The following CTNND2 variants were observed in gnomAD, a reference collection of about 807,000 sequenced individuals.
CTNND2 encodes the protein catenin delta-2.
CTNND2 carries 22 observed loss-of-function variants against 144.4 expected under a neutral mutation model. That is an observed-to-expected ratio of 0.15 (90% CI 0.11 to 0.22). The LOEUF is 0.22. Among genes scored for constraint, CTNND2 ranks in the 10% least tolerant of loss-of-function variants. CTNND2 has a pLI of 1.00. For synonymous variants in CTNND2, 751 were observed against 695.6 expected, an observed-to-expected ratio of 1.08 and a Z score of -1.25; for missense variants, 1,353 against 1,618.8, an observed-to-expected ratio of 0.84 and a Z score of 2.82.
In CTNND2 at chr5:11,385,050, G is replaced by A. The variant is rs1758916432; in HGVS notation, c.792C>T (p.Arg264=). ...GGGGCGCGGCCAGCGGGGAGCCCCC[G>A]CGCGGCGGCGCGGGCAGCGTGGAGC... ...YSSSTLPAPP[R]GGSPLAAPQG... Residue 264 remains arginine (R), a synonymous_variant, in exon 7 of 22, where the codon CGC becomes CGT. Transcript: ENST00000304623. The A allele has an allele frequency of 6.3e-6, 7 of 1,112,450 alleles. No homozygotes were observed. The highest frequency in any genetic ancestry group is 1.0e-4 in the Admixed American group (2 of 19,536). 68.9% of individuals were successfully genotyped at this position (1,112,450 alleles called of 1,614,324 possible).
chr5:11,654,661 T>A (rs1782819931), intron 2 of CTNND2, among the ~76,000 whole-genome samples: 2 of 148,800 alleles, frequency 1.3e-5, no homozygotes, highest in African/African-American at 4.9e-5. Flanking sequence ...TCTTTAGGGT[T>A]TTTTTTTTTA....
At chr5:11,558,995 A>G (rs1456269973) in intron 3 of CTNND2, among the ~76,000 whole-genome samples, 1 of 152,102 alleles carries the variant, frequency 6.6e-6, no homozygotes, top group African/African-American at 2.4e-5. Context: ...TTTGGGCATC[A>G]TTGTGCAAAA....
chr5:11,467,392 G>C (rs61757528), intron 3 of CTNND2, among the ~76,000 whole-genome samples: 23 of 152,336 alleles, frequency 1.5e-4, no homozygotes, highest in Admixed American at 4.6e-4. Flanking sequence ...CTGGGGCAAG[G>C]CTTTGCTTAT....
chr5:11,359,761 G>C (rs1196362383), intron 8 of CTNND2, among the ~76,000 whole-genome samples: 1 of 152,158 alleles, frequency 6.6e-6, no homozygotes, highest in Admixed American at 6.5e-5. Context: ...AAGGTCTTTG[G>C]CTCTTATCTT....
intron 18 of CTNND2, among the ~76,000 whole-genome samples, chr5:11,000,107 A>T (rs766287018): frequency 6.6e-6 from 1 of 152,226 alleles, no homozygotes; most frequent in Non-Finnish European, 1.5e-5. Flanking sequence ...AACATCGCCA[A>T]GAAGAATGTA....
At chr5:11,589,282 AACACACACAC>A (rs34009518) in intron 2 of CTNND2, among the ~76,000 whole-genome samples, 2 of 146,620 alleles carry the variant, frequency 1.4e-5, no homozygotes, top group African/African-American at 2.5e-5. Flanking sequence ...TTAACATTAA[AACACACACAC>A]ACACACACAC....
At chr5:11,894,233 T>C (rs1283055422) in intron 1 of CTNND2, among the ~76,000 whole-genome samples, 1 of 152,004 alleles carries the variant, frequency 6.6e-6, no homozygotes, top group African/African-American at 2.4e-5. Flanking sequence ...GAGACATTTC[T>C]ACAGACTTCA....
chr5:11,338,870 T>C (rs1753976670), intron 9 of CTNND2, among the ~76,000 whole-genome samples: 1 of 152,142 alleles, frequency 6.6e-6, no homozygotes, highest in Non-Finnish European at 1.5e-5. Flanking sequence ...GAGTCTTCTC[T>C]CCCTTCTTCC....
At chr5:11,327,540 C>G (rs1056604880) in intron 9 of CTNND2, among the ~76,000 whole-genome samples, 1 of 152,142 alleles carries the variant, frequency 6.6e-6, no homozygotes, top group Non-Finnish European at 1.5e-5. Context: ...CCTGGATTCT[C>G]AAATCCAGAC....
At chr5:11,125,386 A>G (rs13158520) in intron 12 of CTNND2, among the ~76,000 whole-genome samples, 34,010 of 152,184 alleles carry the variant, frequency 0.22, 5,233 homozygotes, top group East Asian at 0.55. Context: ...TGTTCACAAA[A>G]GTGGCTTCTC....
intron 16 of CTNND2, among the ~76,000 whole-genome samples, chr5:11,048,825 C>A (rs1211514416): frequency 6.6e-6 from 1 of 152,202 alleles, no homozygotes. Context: ...GTTTCCAGGT[C>A]TCCTTGAGAG....
At chr5:11,174,566 C>A (rs1760272815) in intron 11 of CTNND2, among the ~76,000 whole-genome samples, 1 of 151,806 alleles carries the variant, frequency 6.6e-6, no homozygotes, top group Admixed American at 6.6e-5. Flanking sequence ...TTTTATTGTG[C>A]ATATTTGTAA....
chr5:11,867,897 T>G (rs946096094), intron 1 of CTNND2, among the ~76,000 whole-genome samples: 3 of 150,892 alleles, frequency 2.0e-5, no homozygotes, highest in Non-Finnish European at 4.4e-5. Flanking sequence ...GCGCTGGACA[T>G]CTAGAATGCC....
intron 16 of CTNND2, among the ~76,000 whole-genome samples, chr5:11,071,986 T>C (rs935596316): frequency 2.6e-5 from 4 of 152,192 alleles, no homozygotes; most frequent in Non-Finnish European, 5.9e-5. Flanking sequence ...AGAAAGGAGA[T>C]GGTGACTGGA....
chr5:11,211,878 TTA>T (rs1024938990), intron 10 of CTNND2, among the ~76,000 whole-genome samples: 1 of 152,162 alleles, frequency 6.6e-6, no homozygotes, highest in African/African-American at 2.4e-5. Context: ...CCAAAAGAAT[TTA>T]TGATAGAAAT....
At chr5:11,218,618 T>C (rs1216048681) in intron 10 of CTNND2, among the ~76,000 whole-genome samples, 1 of 152,194 alleles carries the variant, frequency 6.6e-6, no homozygotes, top group African/African-American at 2.4e-5. Context: ...AAGCCCCTGG[T>C]GCCTACCAAG....
chr5:11,306,416 A>G (rs912654738), intron 9 of CTNND2, among the ~76,000 whole-genome samples: 1 of 152,210 alleles, frequency 6.6e-6, no homozygotes, highest in African/African-American at 2.4e-5. Context: ...CAAGGCTGTT[A>G]GAACATCTTT....
At chr5:11,208,181 C>T (rs915771840) in intron 10 of CTNND2, among the ~76,000 whole-genome samples, 22 of 151,910 alleles carry the variant, frequency 1.4e-4, no homozygotes, top group African/African-American at 3.9e-4. Flanking sequence ...ATGAAGAAAA[C>T]GACATGTATT....
At chr5:11,802,906 A>T (rs943068411) in intron 1 of CTNND2, among the ~76,000 whole-genome samples, 1 of 152,224 alleles carries the variant, frequency 6.6e-6, no homozygotes, top group African/African-American at 2.4e-5. Flanking sequence ...AGATGTCATA[A>T]ACACCAAATA....
Sources: gnomAD v4.1 joint callset for allele counts (sites outside exome capture counted in the v4.1 genomes callset) on GRCh38, gnomAD v4.1.1 for gene constraint, MANE v1.5 for transcripts, NCBI Gene and HGNC (gene_info 2026-07-23, HGNC 2026-07-21) for gene names.